TP73: variants seen among roughly 807,000 people sequenced by gnomAD.
TP73 encodes p53-like transcription factor.
A neutral mutation model predicts 62.5 loss-of-function variants in TP73; 25 were observed. That is an observed-to-expected ratio of 0.40 (90% CI 0.29 to 0.56). TP73 has a LOEUF of 0.56. Among genes scored for constraint, TP73 ranks in the 20% least tolerant of loss-of-function variants. TP73 has a pLI of 0.46. For missense variants in TP73, 754 were observed against 913.3 expected (o/e 0.83, Z 2.25); for synonymous variants, 423 against 377.5 (o/e 1.12, Z -1.40).
intron 3 of TP73, 152 bp from the exon 4 acceptor site, chr1:3,707,397 G>A: frequency 9.3e-7 from 1 of 1,076,568 alleles, no homozygotes; most frequent in Non-Finnish European, 1.4e-6. Context: ...TGCAAGTAGT[G>A]GCCTGTTGGG....
At chr1:3,652,799 T>C (rs1307729944) in intron 1 of TP73, 158 bp downstream of exon 1, 1 of 152,190 alleles carries the variant, frequency 6.6e-6, no homozygotes, top group African/African-American at 2.4e-5. Context: ...TCCCTCGGAG[T>C]TGGATCGGCC....
chr1:3,690,987 G>GC, intron 3 of TP73: 1 of 1,559,880 alleles, frequency 6.4e-7, no homozygotes, highest in Non-Finnish European at 8.7e-7. Flanking sequence ...CGGGGACTTT[G>GC]CGGGGGATTT....
In TP73 at chr1:3,671,597, G is replaced by A. The variant is rs548161141; in HGVS notation, c.-33-10736G>A. On this transcript the variant is annotated intron_variant, in intron 1 of 13. Coordinates refer to ENST00000378295, the MANE Select transcript of TP73 (RefSeq NM_005427.4). ...GCCTGGCGGGAAGGTGGAGCTCACC[G>A]GAGCCCAGCCTAAGCCAGCTGTGGT... is the stretch of plus-strand genomic sequence containing the variant. 5.3e-5 allele frequency among the ~76,000 whole-genome samples: 8 copies of A among 152,360 alleles called. No individual in the cohort carries two copies. The East Asian group carries it at 7.7e-4, about 15-fold the overall frequency.
chr1:3,720,430 A>G (rs1021110371), intron 4 of TP73, among the ~76,000 whole-genome samples: 4 of 152,100 alleles, frequency 2.6e-5, no homozygotes, highest in Non-Finnish European at 1.5e-5. Flanking sequence ...TTGGTATCCA[A>G]TTCCCATCCT....
Position 3,666,813 on chromosome 1 carries a change from G to C in TP73, c.-34+14172G>C, listed in dbSNP as rs1645125894. On this transcript the variant is annotated intron_variant, in intron 1 of 13. Transcript: ENST00000378295. The surrounding 1 kb of genome is among the most constrained non-coding windows in gnomAD (Gnocchi z 6.4). ...GGCGTCTCTCCCAGGGCGGCTTTCA[G>C]ACTGACCCCCAAACAGAGGGCTCAG... is the stretch of plus-strand genomic sequence containing the variant. Among the ~76,000 whole-genome samples the C allele has an allele frequency of 6.6e-6, 1 of 152,182 alleles. No homozygotes were observed. Among genetic ancestry groups the C allele is most frequent in the Admixed American group, 6.5e-5 (1 of 15,284 alleles).
intron 1 of TP73, among the ~76,000 whole-genome samples, chr1:3,682,042 A>G (rs10910010): frequency 0.2 from 29,849 of 152,180 alleles, 3,056 homozygotes; most frequent in Admixed American, 0.28. Context: ...CCCCTCTTCC[A>G]AGGCGACGGC....
At chr1:3,697,909 C>T (rs559598713) in intron 3 of TP73, 82 of 181,926 alleles carry the variant, frequency 4.5e-4, no homozygotes, top group African/African-American at 1.8e-3. Context: ...CTTTGGGCTC[C>T]TGCTCCAATG....
intron 4 of TP73, among the ~76,000 whole-genome samples, chr1:3,718,252 C>T (rs1158176830): frequency 6.6e-6 from 1 of 152,228 alleles, no homozygotes; most frequent in Non-Finnish European, 1.5e-5. Flanking sequence ...CTCCCCGCGC[C>T]TGGGCCCCCA....
chr1:3,704,841 G>C (rs1639494490), intron 3 of TP73, among the ~76,000 whole-genome samples: 1 of 152,210 alleles, frequency 6.6e-6, no homozygotes, highest in Non-Finnish European at 1.5e-5. Context: ...TGTAGCTGAG[G>C]CAGGGGTCCA....
chr1:3,710,766 C>A (rs979605898), intron 4 of TP73, among the ~76,000 whole-genome samples: 2 of 152,216 alleles, frequency 1.3e-5, no homozygotes, highest in African/African-American at 4.8e-5. Context: ...CAGCACCCTC[C>A]CACATGCATG....
Position 3,733,080 on chromosome 1 carries a change from G to A in TP73, c.*1G>A. On this transcript the variant is annotated 3_prime_UTR_variant, in exon 14 of 14. Transcript: ENST00000378295. ...GTTCACGGAGGCCGAGATCCACTGAGGGCCTCGCCTGGCTGCAGCCTGCGC... is the reference window on the plus strand; with the variant it reads ...GTTCACGGAGGCCGAGATCCACTGAAGGCCTCGCCTGGCTGCAGCCTGCGC... The A allele has an allele frequency of 6.5e-7, 1 of 1,527,694 alleles. No individual in the cohort carries two copies. Among genetic ancestry groups the A allele is most frequent in the South Asian group, 1.2e-5 (1 of 83,646 alleles). 94.6% of individuals were successfully genotyped at this position (1,527,694 alleles called of 1,614,324 possible).
rs1347380614 is a variant in TP73, at chr1:3,691,205, A to G, written c.186+8025A>G. Among the ~76,000 whole-genome samples the G allele has an allele frequency of 3.3e-5, 5 of 152,092 alleles. No homozygotes were observed. In the South Asian group the frequency reaches 1.0e-3, roughly 32 times the overall value. On this transcript the variant is annotated intron_variant, in intron 3 of 13. Transcript: ENST00000378295. ...CAGCCAGGGAGAGGAGGCCGGGTCC[A>G]TGCCGATGGGGCTGCTGGTGTTTCT...
At chr1:3,720,623 C>T (rs1640995540) in intron 4 of TP73, among the ~76,000 whole-genome samples, 1 of 152,242 alleles carries the variant, frequency 6.6e-6, no homozygotes, top group African/African-American at 2.4e-5. Context: ...AGGCCCCACC[C>T]ACCATGGCTC....
At position 3,733,047 on chromosome 1, in the gene TP73, A is replaced by G; in HGVS notation, c.1879A>G (p.Lys627Glu). ...PDCKARKQPI[K>E]EEFTEAEIH is the part of the protein sequence containing the mutation. ...CTGCAAGGCCCGCAAGCAGCCCATCAAGGAGGAGTTCACGGAGGCCGAGAT... is the reference window on the plus strand; with the variant it reads ...CTGCAAGGCCCGCAAGCAGCCCATCGAGGAGGAGTTCACGGAGGCCGAGAT... The change falls in exon 14 of 14, where the codon AAG (lysine) becomes GAG (glutamate). Residue 627 changes from lysine to glutamate, a missense_variant. By Grantham distance (56) the Lys-to-Glu change is moderately conservative. Around this residue, in one of 3 missense-constraint regions of TP73, gnomAD observed 458 missense variants for 528.7 expected, o/e 0.87. Transcript: ENST00000378295. 6.5e-7 allele frequency: 1 copy of G among 1,541,806 alleles called. No individual in the cohort carries two copies. Among genetic ancestry groups the G allele is most frequent in the South Asian group, 1.2e-5 (1 of 84,494 alleles).
chr1:3,666,124 CAAAAAAAAAAAA>C lies in TP73; in HGVS notation c.-34+13499_-34+13510del, dbSNP rs59432695. Among the ~76,000 whole-genome samples, 207 of 41,090 alleles carry C rather than the reference CAAAAAAAAAAAA, an allele frequency of 5.0e-3. 1 individual carries two copies. The highest frequency in any genetic ancestry group is 0.017 in the African/African-American group (186 of 11,216). 27.0% of individuals were successfully genotyped at this position (41,090 alleles called of 152,430 possible). On this transcript the variant is annotated intron_variant, in intron 1 of 13. Transcript: ENST00000378295. This position sits in a 1 kb window ranked among gnomAD's most constrained non-coding sequence, Gnocchi z 6.4. ...GGGCAACAAGAGCAAAACTCTGTCT[CAAAAAAAAAAAA>C]AAAAAAAAAAAAAAAGAGAGAGAGA...
intron 6 of TP73, among the ~76,000 whole-genome samples, chr1:3,724,216 G>A (rs1386030800): frequency 1.3e-5 from 2 of 152,108 alleles, no homozygotes; most frequent in Non-Finnish European, 2.9e-5. Flanking sequence ...AGTTACTGCG[G>A]GATGGTGGGG....
chr1:3,668,957 C>G (rs907214367), intron 1 of TP73, among the ~76,000 whole-genome samples: 1 of 152,326 alleles, frequency 6.6e-6, no homozygotes, highest in Admixed American at 6.5e-5. Flanking sequence ...GCTCCAGGCC[C>G]GTCTCCAGCC....
At chr1:3,704,423 G>A (rs936062136) in intron 3 of TP73, among the ~76,000 whole-genome samples, 1 of 152,124 alleles carries the variant, frequency 6.6e-6, no homozygotes, top group Non-Finnish European at 1.5e-5. Flanking sequence ...AGTGGCCACC[G>A]TATCCAGGGT....
At chr1:3,652,950 C>A (rs1427923427) in intron 1 of TP73, among the ~76,000 whole-genome samples, 1 of 152,164 alleles carries the variant, frequency 6.6e-6, no homozygotes, top group African/African-American at 2.4e-5. Flanking sequence ...CTCCTGCTGT[C>A]CCCTCTCCAC....
Sources: gnomAD v4.1 joint callset for allele counts (sites outside exome capture counted in the v4.1 genomes callset) on GRCh38, gnomAD v4.1.1 for gene constraint, gnomAD v4.1.1 regional missense constraint, Gnocchi (gnomAD v3.1) non-coding constraint, MANE v1.5 for transcripts, NCBI Gene and HGNC (gene_info 2026-07-23, HGNC 2026-07-21) for gene names.